Variants in FNDC7 observed in about 807,000 individuals in gnomAD.
The protein encoded by FNDC7 is fibronectin type III domain-containing protein 7.
Under a neutral mutation model 74.2 loss-of-function variants are expected in FNDC7, and 66 were observed. The ratio of observed to expected loss-of-function variants is 0.89; its 90% CI spans 0.73 to 1.09. The LOEUF is 1.09. Among genes scored for constraint, FNDC7 ranks in the 50% least tolerant of loss-of-function variants. The pLI is 0.00. For missense variants in FNDC7, 829 were observed against 893.4 expected (o/e 0.93, Z 0.92); for synonymous variants, 307 against 330.2 (o/e 0.93, Z 0.76).
chr1:108,735,486 C>T (rs955016835), intron 10 of FNDC7, among the ~76,000 whole-genome samples: 10 of 152,238 alleles, frequency 6.6e-5, no homozygotes, highest in African/African-American at 2.4e-4. Context: ...CTACTTATAC[C>T]TGCACTGTTC....
chr1:108,741,946 T>C lies in FNDC7; in HGVS notation c.*59T>C. The C allele has an allele frequency of 2.4e-6, 2 of 825,932 alleles. No individual in the cohort carries two copies. The highest frequency in any genetic ancestry group is 3.9e-6 in the Non-Finnish European group (2 of 511,332). The allele number at this position is 825,932 out of a possible 1,614,324, so 51.2% of individuals were successfully genotyped here. On this transcript the variant is annotated 3_prime_UTR_variant, in exon 13 of 13. Transcript: ENST00000370017. ...GCAGAGTTGTCTCATTTGTTAGTGATTAGAGATGGAAAAGATCTACTAGAA... is the reference window on the plus strand; with the variant it reads ...GCAGAGTTGTCTCATTTGTTAGTGACTAGAGATGGAAAAGATCTACTAGAA...
rs550553745 is a variant in FNDC7, at chr1:108,713,081, G to A, written c.63+85G>A. 4.0e-6 allele frequency: 5 copies of A among 1,235,694 alleles called. No individual in the cohort carries two copies. The South Asian group carries it at 6.9e-5, about 17-fold the overall frequency. The allele number at this position is 1,235,694 out of a possible 1,614,324, so 76.5% of individuals were successfully genotyped here. ...TTTTCTCTCCTTTTTTTTTTGAGGA[G>A]TTGGGGAATAGGGAGATAGAAATCA... On this transcript the variant is annotated intron_variant, in intron 1 of 12. Transcript: ENST00000370017.
chr1:108,736,675 G>C (rs1339890230), intron 10 of FNDC7, among the ~76,000 whole-genome samples: 4 of 152,094 alleles, frequency 2.6e-5, no homozygotes, highest in African/African-American at 9.7e-5. Flanking sequence ...TTCTTTGATG[G>C]GATGCCATCT....
In FNDC7 at chr1:108,720,191, T is replaced by C. The variant is rs1661066480; in HGVS notation, c.598+1142T>C. On this transcript the variant is annotated intron_variant, in intron 4 of 12. Coordinates refer to ENST00000370017, the MANE Select transcript of FNDC7 (RefSeq NM_001144937.3). ...TTCCCCTCCTGTCCTTCCCTTTCCT[T>C]TCCCTTTCACACTGCTTTTTTCTTT... Among the ~76,000 whole-genome samples, 3 of 152,182 alleles carry C rather than the reference T, an allele frequency of 2.0e-5. No homozygotes were observed. The South Asian group carries it at 6.2e-4, about 31-fold the overall frequency.
At chr1:108,728,486 G>A (rs140998036) in intron 7 of FNDC7, 146 bp from the exon 8 acceptor site, 12 of 831,896 alleles carry the variant, frequency 1.4e-5, no homozygotes, top group African/African-American at 3.3e-5. Context: ...AGTTCCCCAC[G>A]CATAGGCACT....
chr1:108,735,222 G>A lies in FNDC7; in HGVS notation c.2140+1690G>A, dbSNP rs192038586. Among the ~76,000 whole-genome samples the A allele has an allele frequency of 1.1e-4, 16 of 152,194 alleles. 1 individual carries two copies. The highest frequency in any genetic ancestry group is 9.2e-4 in the Admixed American group (14 of 15,292). ...ACCTTCATGATGGTTCCTAAATCCCGAGTCTTCTCTTCATTCCCACAGCTA... is the reference window on the plus strand; with the variant it reads ...ACCTTCATGATGGTTCCTAAATCCCAAGTCTTCTCTTCATTCCCACAGCTA... On this transcript the variant is annotated intron_variant, in intron 10 of 12. Coordinates refer to ENST00000370017, the MANE Select transcript of FNDC7 (RefSeq NM_001144937.3).
rs183885874 is a variant in FNDC7 at position 108,733,546 on chromosome 1, T to A, written c.2140+14T>A. ...AAATATATTCAGGTAAAGCAAGTTA[T>A]GACAGTTTATCTAAAACTAACCCTG... On this transcript the variant is annotated intron_variant, in intron 10 of 12. Transcript: ENST00000370017. The A allele has an allele frequency of 3.0e-4, 481 of 1,609,028 alleles. No homozygotes were observed. Among genetic ancestry groups the A allele is most frequent in the South Asian group, 1.3e-3 (117 of 90,976 alleles).
chr1:108,741,855 A>C lies in FNDC7; in HGVS notation c.*37+14A>C. 6.3e-7 allele frequency: 1 copy of C among 1,587,686 alleles called. No individual in the cohort carries two copies. Among genetic ancestry groups the C allele is most frequent in the Non-Finnish European group, 8.6e-7 (1 of 1,160,506 alleles). On this transcript the variant is annotated intron_variant, in intron 12 of 12. Transcript: ENST00000370017. ...AAACTTGACCAAGTGAGTAACGTAA[A>C]TTGATTTTGTGTGATTTTATGGCAA...
intron 2 of FNDC7, among the ~76,000 whole-genome samples, chr1:108,717,353 G>A (rs756307629): frequency 6.0e-4 from 92 of 152,240 alleles, no homozygotes; most frequent in Admixed American, 3.3e-4. Flanking sequence ...TGGGATGGCT[G>A]TGGGACCAGG....
At chr1:108,728,937 A>G (rs1661280975) in intron 8 of FNDC7, 51 bp downstream of exon 8, 1 of 1,590,986 alleles carries the variant, frequency 6.3e-7, no homozygotes, top group Admixed American at 1.7e-5. Context: ...GTCCTTATGG[A>G]GTGTTTCAAG....
Position 108,713,918 on chromosome 1 carries a change from A to G in FNDC7, c.82+389A>G, listed in dbSNP as rs148311298. ...TATCTTCCGGGGAATTAGAGGGAAA[A>G]TGAGAAATGTTATATTTGATTAAAT... is the stretch of plus-strand genomic sequence containing the variant. On this transcript the variant is annotated intron_variant, in intron 2 of 12. Transcript: ENST00000370017. Among the ~76,000 whole-genome samples the G allele has an allele frequency of 1.7e-3, 264 of 152,316 alleles. 1 individual carries two copies. The highest frequency in any genetic ancestry group is 6.0e-3 in the African/African-American group (249 of 41,554).
intron 8 of FNDC7, 55 bp downstream of exon 8, chr1:108,728,941 T>G: frequency 6.3e-7 from 1 of 1,581,630 alleles, no homozygotes; most frequent in South Asian, 1.1e-5. Context: ...TTATGGAGTG[T>G]TTCAAGACAT....
Position 108,728,705 on chromosome 1 carries a change from T to C in FNDC7, c.1443T>C (p.Thr481=). 6.2e-7 allele frequency: 1 copy of C among 1,614,282 alleles called. No individual in the cohort carries two copies. Among genetic ancestry groups the C allele is most frequent in the Middle Eastern group, 1.6e-4 (1 of 6,062 alleles). Residue 481 remains threonine, a synonymous_variant, in exon 8 of 13, where the codon ACT becomes ACC. Transcript: ENST00000370017. ...FSMINVHWRS[T]NDDATYTVTA... ...TGATTAATGTGCACTGGCGATCCAC[T>C]AATGATGATGCTACTTACACGGTGA... is the stretch of plus-strand genomic sequence containing the variant.
In FNDC7 at chr1:108,727,845, G is replaced by A. The variant is rs754204104; in HGVS notation, c.1149G>A (p.Val383=). 1.9e-6 allele frequency: 3 copies of A among 1,613,994 alleles called. No homozygotes were observed. Among genetic ancestry groups the A allele is most frequent in the Non-Finnish European group, 2.5e-6 (3 of 1,180,034 alleles). The stretch of plus-strand genomic sequence containing the variant: ...CTAGTGACATTAACCCCGTGTTGGT[G>A]TCCAGTGACAGAGTTGAGATTGTCT... ...CCPSDINPVL[V]SSDRVEIVWS... is the part of the protein sequence containing the mutation. Residue 383 remains valine (V), a synonymous_variant, in exon 7 of 13, where the codon GTG becomes GTA. Coordinates refer to ENST00000370017, the MANE Select transcript of FNDC7 (RefSeq NM_001144937.3).
rs755479249 is a variant in FNDC7, at chr1:108,730,700, G to A, written c.1651G>A (p.Val551Ile). 5.0e-6 allele frequency: 8 copies of A among 1,596,120 alleles called. No homozygotes were observed. The South Asian group carries it at 7.9e-5, about 16-fold the overall frequency. ...GCCATGCTGTCCAACCGGTCTGACA[G>A]TAACTCAAATCACCCAGTCAGTAAT... is the stretch of plus-strand genomic sequence containing the variant. ...TVPCCPTGLT[V>I]TQITQSVINV... is the part of the protein sequence containing the mutation. Residue 551 changes from valine (V) to isoleucine (I), a missense_variant, in exon 9 of 13, where the codon GTA becomes ATA. Coordinates refer to ENST00000370017, the MANE Select transcript of FNDC7 (RefSeq NM_001144937.3).
intron 11 of FNDC7, among the ~76,000 whole-genome samples, chr1:108,738,153 A>G (rs1001269360): frequency 1.3e-5 from 2 of 152,194 alleles, no homozygotes; most frequent in African/African-American, 4.8e-5. Context: ...CTGACCACAC[A>G]TGGAGTAGCC....
rs200298170 is a variant in FNDC7 at position 108,718,047 on chromosome 1, C to T, written c.337+16C>T. 255 of 1,550,210 alleles carry T rather than the reference C, an allele frequency of 1.6e-4. No homozygotes were observed. Among genetic ancestry groups the T allele is most frequent in the Non-Finnish European group, 2.1e-4 (244 of 1,145,836 alleles). Reference sequence around the variant, plus strand: ...GCAAAGACAGGTGGCTGGATGGATGCTCATCCTCCGTTGAGTGTTTGCTTG... The same window carrying T: ...GCAAAGACAGGTGGCTGGATGGATGTTCATCCTCCGTTGAGTGTTTGCTTG... On this transcript the variant is annotated intron_variant, in intron 3 of 12. Coordinates refer to ENST00000370017, the MANE Select transcript of FNDC7 (RefSeq NM_001144937.3).
intron 10 of FNDC7, among the ~76,000 whole-genome samples, chr1:108,737,142 G>A (rs1323144952): frequency 6.6e-6 from 1 of 151,998 alleles, no homozygotes; most frequent in East Asian, 1.9e-4. Flanking sequence ...GCTAATTTTT[G>A]TATTTTTTGG....
intron 5 of FNDC7, among the ~76,000 whole-genome samples, chr1:108,725,232 C>G (rs979112565): frequency 6.6e-6 from 1 of 152,152 alleles, no homozygotes; most frequent in African/African-American, 2.4e-5. Context: ...AACTTACCAA[C>G]CTCTATAAGC....
Sources: allele counts gnomAD v4.1 joint callset (sites outside exome capture counted in the v4.1 genomes callset), GRCh38; gene constraint gnomAD v4.1.1; transcripts MANE v1.5; gene names NCBI Gene and HGNC (gene_info 2026-07-23, HGNC 2026-07-21).